POLE: variants seen among roughly 807,000 people sequenced by gnomAD.
POLE encodes the protein DNA polymerase epsilon catalytic subunit A.
POLE carries 188 observed loss-of-function variants against 279.2 expected under a neutral mutation model. The observed-to-expected ratio is 0.67, with a 90% CI of 0.60 to 0.76. The LOEUF is 0.76. Ranked by LOEUF, POLE falls within the 30% of genes least tolerant of loss-of-function variation. The probability of loss-of-function intolerance (pLI) is 0.00; values close to 1 mark genes in which losing one functional copy is unlikely to be tolerated. For synonymous variants in POLE, 1,214 were observed against 1,172.5 expected (o/e 1.04, Z -0.72); for missense variants, 2,703 against 3,016.7 (o/e 0.90, Z 2.44).
intron 6 of POLE, among the ~76,000 whole-genome samples, chr12:132,678,112 A>T (rs1417858707): frequency 6.6e-6 from 1 of 152,190 alleles, no homozygotes; most frequent in Non-Finnish European, 1.5e-5. Flanking sequence ...CAGGAGGCGG[A>T]GGTTGCAGTG....
At chr12:132,656,283 G>A (rs1445782006) in intron 29 of POLE, among the ~76,000 whole-genome samples, 1 of 152,104 alleles carries the variant, frequency 6.6e-6, no homozygotes, top group Admixed American at 6.5e-5. Flanking sequence ...TCCGTCTTGG[G>A]GGGCAGGGGA....
intron 47 of POLE, chr12:132,625,406 T>A: frequency 1.3e-6 from 1 of 752,474 alleles, no homozygotes; most frequent in Non-Finnish European, 2.4e-6. Context: ...CTTGGGAGTG[T>A]CTGCCTCCTT....
rs2042670724 is a variant in POLE, at chr12:132,661,116, A to G, written c.2913T>C (p.Phe971=). 6.2e-6 allele frequency: 10 copies of G among 1,613,852 alleles called. No individual in the cohort carries two copies. The highest frequency in any genetic ancestry group is 8.5e-6 in the Non-Finnish European group (10 of 1,179,976). The part of the protein sequence containing the change: ...EDGSLAELKG[F]EVKRRGELQL... ...GCAGTTCCCCGCGGCGTTTGACCTC[A>G]AAGCCCTTGAGCTCAGCCAGAGAAC... is the stretch of plus-strand genomic sequence containing the variant. The change falls in exon 25 of 49, where the codon TTT becomes TTC. Residue 971 remains phenylalanine, a synonymous_variant. Coordinates refer to ENST00000320574, the MANE Select transcript of POLE (RefSeq NM_006231.4). The surrounding 1 kb of genome is among the most constrained non-coding windows in gnomAD (Gnocchi z 4.1).
In POLE at chr12:132,664,981, ACT is replaced by A. The variant is rs1309214413; in HGVS notation, c.2468+319_2468+320del. Among the ~76,000 whole-genome samples, 1 of 149,912 alleles carries A rather than the reference ACT, an allele frequency of 6.7e-6. No individual in the cohort carries two copies. The highest frequency in any genetic ancestry group is 1.5e-5 in the Non-Finnish European group (1 of 67,688). On this transcript the variant is annotated intron_variant, in intron 21 of 48. Transcript: ENST00000320574. This position sits in a 1 kb window ranked among gnomAD's most constrained non-coding sequence, Gnocchi z 5.3. ...ACATGCTGTGAAGCAACTGCCCGAC[ACT>A]CTGCAAGTCCCTGAGTGAGGATCCA... is the stretch of plus-strand genomic sequence containing the variant.
chr12:132,679,320 C>T (rs1253811452), intron 6 of POLE, among the ~76,000 whole-genome samples, 177 bp downstream of exon 6: 1 of 152,116 alleles, frequency 6.6e-6, no homozygotes, highest in East Asian at 1.9e-4. Context: ...TAAAATATAA[C>T]CTGGGAAGCC....
rs905612032 is a variant in POLE at position 132,681,409 on chromosome 12, TCTCGG to T, written c.63-135_63-131del. On this transcript the variant is annotated intron_variant, in intron 1 of 48. Transcript: ENST00000320574. ...CCTAGGCTGGAGTGCAGTGGTGTGA[TCTCGG>T]CTCACTGCAAGCTCCGCCTCCCGGG... 6.4e-4 allele frequency: 565 copies of T among 881,506 alleles called. 4 individuals are homozygous for T. The African/African-American group carries it at 8.8e-3, about 14-fold the overall frequency. 54.6% of individuals were successfully genotyped at this position (881,506 alleles called of 1,614,324 possible).
chr12:132,643,023 T>C, intron 35 of POLE, 27 bp from the exon 36 acceptor site: 3 of 1,564,732 alleles, frequency 1.9e-6, no homozygotes, highest in Non-Finnish European at 2.6e-6. Flanking sequence ...CACGTCAGCC[T>C]CCCCCTGCGC....
intron 16 of POLE, among the ~76,000 whole-genome samples, 175 bp from the exon 17 acceptor site, chr12:132,669,114 T>G (rs1565967021): frequency 6.6e-6 from 1 of 152,086 alleles, no homozygotes; most frequent in South Asian, 2.1e-4. Flanking sequence ...TGAAATACAT[T>G]AAATTTGGTG....
intron 41 of POLE, 73 bp from the exon 42 acceptor site, chr12:132,636,097 G>A (rs2042026980): frequency 4.8e-6 from 7 of 1,469,152 alleles, no homozygotes; most frequent in Non-Finnish European, 5.6e-6. Flanking sequence ...ATTTCCCCTT[G>A]TATCTATCTG....
intron 16 of POLE, among the ~76,000 whole-genome samples, chr12:132,670,899 C>CTCTGATTA: frequency 6.6e-6 from 1 of 152,330 alleles, no homozygotes; most frequent in Admixed American, 6.5e-5. Context: ...AATAGCCAAA[C>CTCTGATTA]AGTGCTTCAC....
chr12:132,677,779 G>A (rs2136022194), intron 6 of POLE, 60 bp from the exon 7 acceptor site: 1 of 1,529,654 alleles, frequency 6.5e-7, no homozygotes, highest in Non-Finnish European at 9.0e-7. Context: ...GGTGAGACCA[G>A]AGTTCCAACT....
chr12:132,687,141 G>T, intron 1 of POLE, 113 bp downstream of exon 1: 2 of 565,574 alleles, frequency 3.5e-6, no homozygotes, highest in Non-Finnish European at 5.1e-6. Context: ...CGCGGCGAGT[G>T]CGGGCGGCTG....
rs752771738 is a variant in POLE at position 132,679,970 on chromosome 12, T to A, written c.407A>T (p.Lys136Ile). 17 of 1,612,906 alleles carry A rather than the reference T, an allele frequency of 1.1e-5. No homozygotes were observed. Among genetic ancestry groups the A allele is most frequent in the Non-Finnish European group, 1.4e-5 (17 of 1,179,094 alleles). The stretch of plus-strand genomic sequence containing the variant: ...GATACTCACCAAGTCCAGATCCTCT[T>A]TGGGGACAGTCTCCACTTTTGCAAT... ...GKIAKVETVP[K>I]EDLDLPNHLV... Residue 136 changes from lysine to isoleucine, a missense_variant, in exon 5 of 49, where the codon AAA (lysine) becomes ATA (isoleucine). Lys to Ile is a moderately radical substitution (Grantham distance 102). Coordinates refer to ENST00000320574, the MANE Select transcript of POLE (RefSeq NM_006231.4).
chr12:132,678,998 C>T (rs2043112504), intron 6 of POLE, among the ~76,000 whole-genome samples: 1 of 152,228 alleles, frequency 6.6e-6, no homozygotes, highest in South Asian at 2.1e-4. Context: ...AAGGTAGGTT[C>T]TTCCGAAGTC....
In POLE at chr12:132,639,854, G is replaced by A. The variant is rs1287907121; in HGVS notation, c.5379-556C>T. Among the ~76,000 whole-genome samples the A allele has an allele frequency of 2.6e-5, 4 of 152,300 alleles. No individual in the cohort carries two copies. The East Asian group carries it at 7.7e-4, about 29-fold the overall frequency. On this transcript the variant is annotated intron_variant, in intron 39 of 48. Coordinates refer to ENST00000320574, the MANE Select transcript of POLE (RefSeq NM_006231.4). This position sits in a 1 kb window ranked among gnomAD's most constrained non-coding sequence, Gnocchi z 4.7. ...TCCTGCTACTCGGGAGGCTAAGGCA[G>A]GAGAATCGCTTGAACCCGGGAGGTG...
rs1565981653 is a variant in POLE at position 132,681,223 on chromosome 12, C to T, written c.119G>A (p.Trp40Ter). Residue 40 changes from tryptophan (W) to a stop codon, truncating the protein, a stop_gained, in exon 2 of 49, where the codon TGG becomes TAG. Transcript: ENST00000320574. LOFTEE classifies it high-confidence loss of function. ...SALKRLERSQ[W>*]TDKMDLRFGF... is the part of the protein sequence containing the mutation. Reference sequence around the variant, plus strand: ...AAACCGCAAATCCATCTTATCCGTCCACTGACTCCGTTCCAGGCGCTTGAG... The same window carrying T: ...AAACCGCAAATCCATCTTATCCGTCTACTGACTCCGTTCCAGGCGCTTGAG... 6.2e-7 allele frequency: 1 copy of T among 1,614,230 alleles called. No homozygotes were observed. The highest frequency in any genetic ancestry group is 8.5e-7 in the Non-Finnish European group (1 of 1,180,040).
intron 16 of POLE, among the ~76,000 whole-genome samples, chr12:132,669,986 C>T (rs2042888421): frequency 6.6e-6 from 1 of 152,188 alleles, no homozygotes; most frequent in Admixed American, 6.5e-5. Context: ...GAGCTCTCTT[C>T]CTCACTCACC....
Position 132,652,830 on chromosome 12 carries a change from T to A in POLE, c.3583-2941A>T, listed in dbSNP as rs568665655. On this transcript the variant is annotated intron_variant, in intron 29 of 48. Coordinates refer to ENST00000320574, the MANE Select transcript of POLE (RefSeq NM_006231.4). ...CAAGATGCCATGATAGTGTGTCTCG[T>A]TACATAGTAAGATCAACGTGCCCTC... 1.9e-3 allele frequency among the ~76,000 whole-genome samples: 289 copies of A among 152,288 alleles called. 2 individuals carry two copies. The highest frequency in any genetic ancestry group is 6.8e-3 in the African/African-American group (283 of 41,556).
rs2042848160 is a variant in POLE, at chr12:132,668,502, A to C, written c.2027T>G (p.Met676Arg). 6.3e-7 allele frequency: 1 copy of C among 1,589,290 alleles called. No individual in the cohort carries two copies. The highest frequency in any genetic ancestry group is 1.3e-5 in the African/African-American group (1 of 74,328). ...ATGGTATTCGCTGCGACTGGCTGGC[A>C]CTGGGAAGGAGGCAATGGGGGCAAG... ...KMAWQWRGEF[M>R]PASRSEYHRI... is the part of the protein sequence containing the mutation. The change falls in exon 19 of 49, where the codon ATG (methionine) becomes AGG (arginine). Residue 676 changes from methionine (M) to arginine (R), a missense_variant and splice_region_variant. Coordinates refer to ENST00000320574, the MANE Select transcript of POLE (RefSeq NM_006231.4). The surrounding 1 kb of genome is among the most constrained non-coding windows in gnomAD (Gnocchi z 4.0).
Sources: gnomAD v4.1 joint callset for allele counts (sites outside exome capture counted in the v4.1 genomes callset) on GRCh38, gnomAD v4.1.1 for gene constraint, Gnocchi (gnomAD v3.1) non-coding constraint, MANE v1.5 for transcripts, NCBI Gene and HGNC (gene_info 2026-07-23, HGNC 2026-07-21) for gene names.